F8: variants seen among roughly 807,000 people sequenced by gnomAD.
The protein encoded by F8 is coagulation factor VIII, also known as antihemophilic factor.
A neutral mutation model predicts 140.6 loss-of-function variants in F8; 12 were observed. The observed-to-expected ratio is 0.09, with a 90% CI of 0.05 to 0.14. The LOEUF is 0.14. F8 is among the 10% of genes least tolerant of loss of function. The pLI, the probability that F8 is intolerant of heterozygous loss-of-function variation, is 1.00. For synonymous variants in F8, 585 were observed against 614.6 expected (o/e 0.95, Z 0.71); for missense variants, 1,354 against 1,720.7 (o/e 0.79, Z 3.77).
chrX:154,953,754 T>C, intron 12 of F8, 138 bp downstream of exon 12: 1 of 805,267 alleles, frequency 1.2e-6, no homozygotes, highest in Admixed American at 2.3e-5. Context: ...TGTGTTTGAG[T>C]AAAAATTATA....
At chrX:155,019,900 C>T (rs782648340) in intron 1 of F8, among the ~76,000 whole-genome samples, 4 of 111,720 alleles carry the variant, frequency 3.6e-5, no homozygotes, top group Non-Finnish European at 5.6e-5. Flanking sequence ...AATAGCATCA[C>T]ACTTATAAAA....
intron 25 of F8, among the ~76,000 whole-genome samples, chrX:154,857,880 T>G (rs1301629412): frequency 8.9e-6 from 1 of 112,758 alleles, no homozygotes; most frequent in Non-Finnish European, 1.9e-5. Context: ...GGCTCACGCC[T>G]GTAATCCCAG....
intron 10 of F8, among the ~76,000 whole-genome samples, chrX:154,957,650 C>T (rs2073371789): frequency 9.0e-6 from 1 of 110,964 alleles, no homozygotes. Context: ...TTAGAGGATC[C>T]ATAGAAAGGG....
intron 14 of F8, among the ~76,000 whole-genome samples, chrX:154,914,186 C>T (rs984583946): frequency 2.6e-4 from 29 of 112,838 alleles, no homozygotes; most frequent in African/African-American, 8.4e-4. Flanking sequence ...GCTGGAGTGG[C>T]TGGGACACAG....
intron 13 of F8, among the ~76,000 whole-genome samples, chrX:154,938,649 A>C (rs1436961315): frequency 9.0e-6 from 1 of 111,080 alleles, no homozygotes; most frequent in African/African-American, 3.3e-5. Context: ...ATGCACCCTT[A>C]AAGGAGTGAA....
chrX:154,955,011 G>T (rs967495161), intron 11 of F8, among the ~76,000 whole-genome samples: 1 of 110,480 alleles, frequency 9.1e-6, no homozygotes, highest in African/African-American at 3.3e-5. Flanking sequence ...GAGTTATTCT[G>T]GGGCCGAGCA....
chrX:154,969,222 A>C (rs1310001922), intron 7 of F8, 109 bp downstream of exon 7: 7 of 745,339 alleles, frequency 9.4e-6, no homozygotes, highest in Non-Finnish European at 1.2e-5. Flanking sequence ...CAGTAACTCT[A>C]TAATGTCCCC....
intron 22 of F8, among the ~76,000 whole-genome samples, chrX:154,894,829 C>T (rs1287390900): frequency 9.2e-6 from 1 of 109,132 alleles, no homozygotes; most frequent in Non-Finnish European, 1.9e-5. Context: ...AGTCAACAAC[C>T]CCAGATTCTG....
intron 25 of F8, among the ~76,000 whole-genome samples, chrX:154,843,432 T>C (rs1426969612): frequency 1.8e-5 from 2 of 112,054 alleles, no homozygotes; most frequent in African/African-American, 6.5e-5. Flanking sequence ...GCGTTCCTAT[T>C]TCTCCACATC....
At chrX:154,970,549 T>C (rs1446788421) in intron 6 of F8, among the ~76,000 whole-genome samples, 5 of 111,716 alleles carry the variant, frequency 4.5e-5, no homozygotes, top group African/African-American at 1.6e-4. Flanking sequence ...AAGAAACTGG[T>C]GTACTATTTC....
At chrX:154,852,342 G>A in intron 25 of F8, among the ~76,000 whole-genome samples, 1 of 111,765 alleles carries the variant, frequency 8.9e-6, no homozygotes, top group Non-Finnish European at 1.9e-5. Flanking sequence ...AAAGTGCTGG[G>A]ATTACAGATG....
chrX:155,000,349 T>C (rs1557285501), intron 1 of F8, among the ~76,000 whole-genome samples: 2 of 111,710 alleles, frequency 1.8e-5, no homozygotes, highest in African/African-American at 6.5e-5. Context: ...AATTACAAAG[T>C]GGTTGAAGGT....
chrX:154,866,220 C>A (rs1444438186), intron 22 of F8, among the ~76,000 whole-genome samples: 1 of 111,503 alleles, frequency 9.0e-6, no homozygotes, highest in African/African-American at 3.3e-5. Flanking sequence ...TATATATGTA[C>A]CCAACACGAA....
At chrX:154,993,531 C>A (rs782445164) in intron 3 of F8, among the ~76,000 whole-genome samples, 1 of 111,708 alleles carries the variant, frequency 9.0e-6, no homozygotes, top group Admixed American at 9.5e-5. Context: ...GGATTACAGG[C>A]GCGAACCACC....
At chrX:154,980,406 C>T (rs782044065) in intron 6 of F8, among the ~76,000 whole-genome samples, 1 of 111,205 alleles carries the variant, frequency 9.0e-6, no homozygotes, top group South Asian at 3.7e-4. Flanking sequence ...TGAATTGTTT[C>T]TCTGTGTTTT....
At chrX:154,841,230 T>C (rs1490329110) in intron 25 of F8, among the ~76,000 whole-genome samples, 2 of 104,624 alleles carry the variant, frequency 1.9e-5, no homozygotes, top group Non-Finnish European at 3.9e-5. Context: ...TTTTTTTTTT[T>C]TGAGACAGGG....
intron 25 of F8, among the ~76,000 whole-genome samples, chrX:154,855,738 T>C (rs1292091632): frequency 0.075 from 4 of 53 alleles, no homozygotes; most frequent in Non-Finnish European, 0.11. Flanking sequence ...AAGATAATGC[T>C]GATTCCTTCA....
chrX:154,973,914 A>G (rs1176921131), intron 6 of F8, among the ~76,000 whole-genome samples: 2 of 111,505 alleles, frequency 1.8e-5, no homozygotes, highest in African/African-American at 6.5e-5. Flanking sequence ...CTCCTGCTTC[A>G]GCCTCTCGAG....
chrX:154,877,578 C>T (rs1557274130), intron 22 of F8, among the ~76,000 whole-genome samples: 3 of 110,681 alleles, frequency 2.7e-5, no homozygotes, highest in East Asian at 5.6e-4. Flanking sequence ...CTGCAAGCTC[C>T]GCCTCCCGGG....
Sources: allele counts gnomAD v4.1 joint callset (sites outside exome capture counted in the v4.1 genomes callset), GRCh38; gene constraint gnomAD v4.1.1; transcripts MANE v1.5; gene names NCBI Gene and HGNC (gene_info 2026-07-23, HGNC 2026-07-21).